Variants in UIMC1 observed in about 807,000 individuals in gnomAD.
UIMC1 encodes the protein BRCA1-A complex subunit RAP80.
In UIMC1, 42 loss-of-function variants were observed where a neutral mutation model predicts 84.9. That is an observed-to-expected ratio of 0.49 (90% CI 0.39 to 0.64). The LOEUF is 0.64. UIMC1 is among the 30% of genes least tolerant of loss of function. The probability of loss-of-function intolerance (pLI) is 0.00; values close to 1 mark genes in which losing one functional copy is unlikely to be tolerated. For missense variants in UIMC1, 825 were observed against 847.6 expected (o/e 0.97, Z 0.33); for synonymous variants, 281 against 293.0 (o/e 0.96, Z 0.42).
Position 176,914,341 on chromosome 5 carries a change from T to C in UIMC1, c.1598-2952A>G, listed in dbSNP as rs150797169. Among the ~76,000 whole-genome samples the C allele has an allele frequency of 9.2e-4, 140 of 152,256 alleles. 2 individuals carry two copies. The highest frequency in any genetic ancestry group is 6.9e-3 in the East Asian group (36 of 5,180). On this transcript the variant is annotated intron_variant, in intron 10 of 14. Coordinates refer to ENST00000511320, the MANE Select transcript of UIMC1 (RefSeq NM_001199298.2). The stretch of plus-strand genomic sequence containing the variant: ...CTTTCTACATCTTTATCCAAGTCAC[T>C]AGGGAAAAATGGTTGTAAAGGATAT...
intron 1 of UIMC1, among the ~76,000 whole-genome samples, chr5:176,984,055 G>C (rs1771524690): frequency 2.5e-5 from 3 of 120,302 alleles, no homozygotes; most frequent in Admixed American, 2.4e-4. Context: ...TGGGAAGTGA[G>C]GAGTGCCTCT....
At chr5:176,937,220 G>A (rs1302514557) in intron 10 of UIMC1, among the ~76,000 whole-genome samples, 2 of 152,180 alleles carry the variant, frequency 1.3e-5, no homozygotes, top group East Asian at 3.9e-4. Context: ...CCCTCGGCCA[G>A]GTGCGGTGGC....
chr5:176,951,582 A>G lies in UIMC1; in HGVS notation c.1340-5T>C. The G allele has an allele frequency of 6.4e-7, 1 of 1,552,698 alleles. No individual in the cohort carries two copies. Among genetic ancestry groups the G allele is most frequent in the Non-Finnish European group, 8.6e-7 (1 of 1,156,546 alleles). The stretch of plus-strand genomic sequence containing the variant: ...CAGAGGAACTTAGCTGGGTCTCTGT[A>G]ATTTAAAAAAGTTAAAATCCCATTA... On this transcript the variant is annotated splice_region_variant and splice_polypyrimidine_tract_variant and intron_variant, in intron 8 of 14. Transcript: ENST00000511320.
At chr5:177,006,127 G>C (rs1357670790) in intron 1 of UIMC1, among the ~76,000 whole-genome samples, 1 of 152,232 alleles carries the variant, frequency 6.6e-6, no homozygotes, top group Non-Finnish European at 1.5e-5. Flanking sequence ...GACCACGGCT[G>C]AGGGAGCTCG....
intron 1 of UIMC1, among the ~76,000 whole-genome samples, chr5:176,988,808 C>T (rs1772398447): frequency 6.6e-6 from 1 of 151,790 alleles, no homozygotes; most frequent in African/African-American, 2.4e-5. Context: ...CTCAGCCTCC[C>T]AAGCAGCTGG....
At chr5:177,002,730 G>A (rs541795240) in intron 1 of UIMC1, among the ~76,000 whole-genome samples, 8 of 152,164 alleles carry the variant, frequency 5.3e-5, no homozygotes, top group South Asian at 4.1e-4. Context: ...CCCAGGAGGC[G>A]GAGCTTGCAG....
intron 10 of UIMC1, among the ~76,000 whole-genome samples, chr5:176,919,648 C>T (rs1378365085): frequency 1.3e-5 from 2 of 152,110 alleles, no homozygotes; most frequent in Admixed American, 6.6e-5. Context: ...ACATTTAGGT[C>T]TTTGATCTAT....
chr5:177,017,276 G>T (rs1005153193), intron 1 of UIMC1, among the ~76,000 whole-genome samples: 1 of 152,164 alleles, frequency 6.6e-6, no homozygotes, highest in African/African-American at 2.4e-5. Flanking sequence ...TCTTAGAGAT[G>T]AGAAATAAAA....
intron 2 of UIMC1, among the ~76,000 whole-genome samples, chr5:176,978,239 G>A (rs1237284141): frequency 6.6e-6 from 1 of 152,038 alleles, no homozygotes; most frequent in Admixed American, 6.6e-5. Flanking sequence ...CAGGCGTGGT[G>A]GCAGGCGCCT....
intron 6 of UIMC1, 95 bp downstream of exon 6, chr5:176,968,460 T>G: frequency 2.7e-6 from 4 of 1,476,448 alleles, no homozygotes; most frequent in Non-Finnish European, 3.6e-6. Flanking sequence ...ACTTTAATAA[T>G]CAAGGAGGGG....
intron 1 of UIMC1, among the ~76,000 whole-genome samples, chr5:176,988,929 A>AC (rs1470433236): frequency 1.5e-4 from 23 of 151,924 alleles, no homozygotes; most frequent in Non-Finnish European, 3.2e-4. Context: ...TGATCCACCC[A>AC]CCTTGGCCTC....
chr5:176,967,064 A>T (rs1768412957), intron 6 of UIMC1, among the ~76,000 whole-genome samples: 1 of 152,264 alleles, frequency 6.6e-6, no homozygotes, highest in African/African-American at 2.4e-5. Context: ...TGGAGAAACT[A>T]GTATTCATAC....
intron 10 of UIMC1, among the ~76,000 whole-genome samples, chr5:176,917,488 C>T (rs1284112175): frequency 6.6e-6 from 1 of 152,162 alleles, no homozygotes; most frequent in Admixed American, 6.5e-5. Flanking sequence ...AGGAGAACTG[C>T]TTGAACCCGG....
intron 1 of UIMC1, among the ~76,000 whole-genome samples, chr5:177,004,097 G>C (rs1356322882): frequency 1.3e-5 from 2 of 152,154 alleles, no homozygotes; most frequent in African/African-American, 4.8e-5. Context: ...CCAAAGTGCT[G>C]GGATTACATG....
intron 10 of UIMC1, among the ~76,000 whole-genome samples, chr5:176,934,736 A>G (rs1051152871): frequency 2.0e-5 from 3 of 152,188 alleles, no homozygotes; most frequent in African/African-American, 4.8e-5. Flanking sequence ...CAGTGACTAC[A>G]CCGTAAGTGG....
intron 1 of UIMC1, among the ~76,000 whole-genome samples, chr5:176,983,302 T>G (rs1393017806): frequency 1.3e-5 from 2 of 151,474 alleles, no homozygotes; most frequent in African/African-American, 4.8e-5. Flanking sequence ...TGCCACGATC[T>G]TGGCTCGCTG....
At chr5:176,972,525 C>T (rs1202447252) in intron 3 of UIMC1, among the ~76,000 whole-genome samples, 1 of 152,112 alleles carries the variant, frequency 6.6e-6, no homozygotes, top group African/African-American at 2.4e-5. Flanking sequence ...CACCTGAGGT[C>T]AGGAGTTTGA....
At chr5:176,936,436 G>C (rs1235304544) in intron 10 of UIMC1, among the ~76,000 whole-genome samples, 1 of 152,128 alleles carries the variant, frequency 6.6e-6, no homozygotes, top group Non-Finnish European at 1.5e-5. Context: ...TTTCACCCTT[G>C]TCCCACAACC....
intron 3 of UIMC1, among the ~76,000 whole-genome samples, chr5:176,971,392 T>C (rs1338604850): frequency 6.6e-6 from 1 of 152,088 alleles, no homozygotes; most frequent in Non-Finnish European, 1.5e-5. Context: ...AATGGCTGGG[T>C]CCCAAGTCCA....
Sources: gnomAD v4.1 joint callset for allele counts (sites outside exome capture counted in the v4.1 genomes callset) on GRCh38, gnomAD v4.1.1 for gene constraint, MANE v1.5 for transcripts, NCBI Gene and HGNC (gene_info 2026-07-23, HGNC 2026-07-21) for gene names.